Variants in CNTN1 observed in about 807,000 individuals in gnomAD.
The protein encoded by CNTN1 is contactin-1.
Under a neutral mutation model 126.4 loss-of-function variants are expected in CNTN1, and 38 were observed. The observed-to-expected ratio is 0.30, with a 90% CI of 0.23 to 0.39. The LOEUF (loss-of-function observed/expected upper bound fraction) is 0.39, where lower values mean the gene tolerates loss of function less well. Ranked by LOEUF, CNTN1 falls within the 10% of genes least tolerant of loss-of-function variation. The pLI, the probability that CNTN1 is intolerant of heterozygous loss-of-function variation, is 1.00. For synonymous variants in CNTN1, 413 were observed against 422.6 expected (o/e 0.98, Z 0.28); for missense variants, 1,009 against 1,248.4 (o/e 0.81, Z 2.89).
chr12:40,708,091 T>TATACCATAAG (rs1941816300), intron 1 of CNTN1, among the ~76,000 whole-genome samples: 1 of 152,226 alleles, frequency 6.6e-6, no homozygotes, highest in Non-Finnish European at 1.5e-5. Context: ...ATTTGTTAAA[T>TATACCATAAG]TTTACATTAA....
At chr12:40,740,755 T>A (rs1161217750) in intron 1 of CNTN1, among the ~76,000 whole-genome samples, 3 of 151,998 alleles carry the variant, frequency 2.0e-5, no homozygotes, top group African/African-American at 7.2e-5. Context: ...TGGGGGTGGG[T>A]TTTCCCATGT....
At chr12:40,875,480 G>A (rs547540477) in intron 1 of CNTN1, among the ~76,000 whole-genome samples, 2 of 152,040 alleles carry the variant, frequency 1.3e-5, no homozygotes, top group East Asian at 3.9e-4. Context: ...TTTCAGGAAT[G>A]TTATAACATT....
intron 1 of CNTN1, among the ~76,000 whole-genome samples, chr12:40,761,861 C>G (rs371884394): frequency 2.4e-4 from 37 of 151,888 alleles, no homozygotes; most frequent in African/African-American, 8.5e-4. Context: ...ATATCAGAAT[C>G]CTAATTTAAG....
intron 14 of CNTN1, among the ~76,000 whole-genome samples, chr12:40,945,449 A>G (rs1237554293): frequency 6.6e-6 from 1 of 152,094 alleles, no homozygotes; most frequent in African/African-American, 2.4e-5. Flanking sequence ...TGAAAGAATT[A>G]TCTTTGGTGT....
In CNTN1 at chr12:41,029,226, G is replaced by A. The variant is rs969185163; in HGVS notation, c.2980+7G>A. 1.2e-6 allele frequency: 2 copies of A among 1,613,914 alleles called. No individual in the cohort carries two copies. The highest frequency in any genetic ancestry group is 2.2e-5 in the East Asian group (1 of 44,852). ...TCTCAAGTCAAAATTTCAGGTAAGT[G>A]AGTCATTTAAGACACATTTCAACTA... On this transcript the variant is annotated splice_region_variant and intron_variant, in intron 23 of 23. Transcript: ENST00000551295.
chr12:40,720,982 CATAT>C (rs1942193940), intron 1 of CNTN1, among the ~76,000 whole-genome samples: 2 of 143,004 alleles, frequency 1.4e-5, no homozygotes, highest in Non-Finnish European at 3.2e-5. Flanking sequence ...TATGTTATAA[CATAT>C]ATACACATAT....
At position 40,877,988 on chromosome 12, in the gene CNTN1, CTTT is replaced by C. The variant is rs199626249; in HGVS notation, c.-76-30345_-76-30343del. ...TCCCCACCAAAGAAACAGTTTTTTC[CTTT>C]TTTTTTTTTTTTTTTTTTTTTTTGA... is the stretch of plus-strand genomic sequence containing the variant. On this transcript the variant is annotated intron_variant, in intron 1 of 23. Coordinates refer to ENST00000551295, the MANE Select transcript of CNTN1 (RefSeq NM_001843.4). 8.2e-3 allele frequency among the ~76,000 whole-genome samples: 889 copies of C among 109,062 alleles called. 3 individuals are homozygous for C. Among genetic ancestry groups the C allele is most frequent in the African/African-American group, 0.027 (836 of 30,656 alleles). 71.5% of individuals were successfully genotyped at this position (109,062 alleles called of 152,430 possible). A position where few individuals can be genotyped will look rare whatever the true frequency, so the allele number is the denominator to read the frequency against.
intron 15 of CNTN1, among the ~76,000 whole-genome samples, chr12:40,961,784 T>C (rs1947113532): frequency 6.6e-6 from 1 of 152,072 alleles, no homozygotes; most frequent in South Asian, 2.1e-4. Flanking sequence ...AAGAATAAAA[T>C]ACTAATACAT....
At chr12:40,905,652 T>C (rs532601745) in intron 1 of CNTN1, among the ~76,000 whole-genome samples, 7 of 152,252 alleles carry the variant, frequency 4.6e-5, no homozygotes, top group Admixed American at 2.0e-4. Flanking sequence ...TAATAATATG[T>C]CATCTAAGTT....
intron 1 of CNTN1, among the ~76,000 whole-genome samples, chr12:40,833,157 C>A (rs921377861): frequency 6.6e-6 from 1 of 151,934 alleles, no homozygotes; most frequent in Non-Finnish European, 1.5e-5. Flanking sequence ...TGCAATGGTG[C>A]AATCTCGGCT....
chr12:40,829,683 G>C (rs988960703), intron 1 of CNTN1, among the ~76,000 whole-genome samples: 2 of 152,118 alleles, frequency 1.3e-5, no homozygotes, highest in Admixed American at 6.6e-5. Context: ...AGCTGATCTA[G>C]TTTAGGTATA....
chr12:40,805,110 G>A (rs1940797522), intron 1 of CNTN1, among the ~76,000 whole-genome samples: 1 of 151,932 alleles, frequency 6.6e-6, no homozygotes, highest in South Asian at 2.1e-4. Context: ...TCGTCAGTGT[G>A]ACTGTGATGT....
chr12:40,791,466 G>A (rs1236391408), intron 1 of CNTN1, among the ~76,000 whole-genome samples: 1 of 152,066 alleles, frequency 6.6e-6, no homozygotes, highest in African/African-American at 2.4e-5. Context: ...AAATACATGT[G>A]GGCACTGAAT....
chr12:40,986,317 G>A (rs1161693174), intron 16 of CNTN1, among the ~76,000 whole-genome samples: 1 of 152,174 alleles, frequency 6.6e-6, no homozygotes, highest in Admixed American at 6.6e-5. Context: ...TAGAAGAACA[G>A]TGATTACTAA....
At chr12:40,919,233 C>T (rs1404533578) in intron 4 of CNTN1, among the ~76,000 whole-genome samples, 1 of 152,144 alleles carries the variant, frequency 6.6e-6, no homozygotes, top group African/African-American at 2.4e-5. Flanking sequence ...TCAACAGTCT[C>T]ATATCTATAT....
At chr12:40,873,629 A>T (rs368265162) in intron 1 of CNTN1, among the ~76,000 whole-genome samples, 254 of 152,284 alleles carry the variant, frequency 1.7e-3, no homozygotes, top group African/African-American at 5.8e-3. Flanking sequence ...AAGCCTTAAC[A>T]TATGTTTTTG....
intron 23 of CNTN1, among the ~76,000 whole-genome samples, chr12:41,065,479 C>CAA (rs1392219173): frequency 6.6e-6 from 1 of 152,178 alleles, no homozygotes; most frequent in Non-Finnish European, 1.5e-5. Flanking sequence ...AGCAAGGAAA[C>CAA]ACACACCAGA....
At chr12:40,771,483 T>C (rs1287085400) in intron 1 of CNTN1, among the ~76,000 whole-genome samples, 1 of 152,052 alleles carries the variant, frequency 6.6e-6, no homozygotes, top group African/African-American at 2.4e-5. Context: ...AAACTCTATA[T>C]ATTTAAGAGG....
At chr12:40,924,349 G>A (rs543140437) in intron 5 of CNTN1, among the ~76,000 whole-genome samples, 8 of 152,046 alleles carry the variant, frequency 5.3e-5, no homozygotes, top group Non-Finnish European at 1.0e-4. Flanking sequence ...AATATCCATA[G>A]ACTTTGAGCT....
Sources: gnomAD v4.1 joint callset for allele counts (sites outside exome capture counted in the v4.1 genomes callset) on GRCh38, gnomAD v4.1.1 for gene constraint, MANE v1.5 for transcripts, NCBI Gene and HGNC (gene_info 2026-07-23, HGNC 2026-07-21) for gene names.